Variants in EPHA3 observed in about 807,000 individuals in gnomAD.
The protein encoded by EPHA3 is EPH receptor A3.
A neutral mutation model predicts 107.1 loss-of-function variants in EPHA3; 42 were observed. That is an observed-to-expected ratio of 0.39 (90% CI 0.31 to 0.51). The LOEUF (loss-of-function observed/expected upper bound fraction) is 0.51. Among genes scored for constraint, EPHA3 ranks in the 20% least tolerant of loss-of-function variants. The pLI is 0.78. For synonymous variants in EPHA3, 461 were observed against 424.8 expected (o/e 1.09, Z -1.05); for missense variants, 1,183 against 1,211.2 (o/e 0.98, Z 0.35).
chr3:89,272,162 T>C (rs1186536620), intron 3 of EPHA3, among the ~76,000 whole-genome samples: 3 of 151,948 alleles, frequency 2.0e-5, no homozygotes, highest in Non-Finnish European at 4.4e-5. Context: ...GTAAAGTTTT[T>C]GAAAAGTCAA....
chr3:89,120,507 C>A (rs1013514258), intron 1 of EPHA3, among the ~76,000 whole-genome samples: 2 of 152,070 alleles, frequency 1.3e-5, no homozygotes, highest in African/African-American at 4.8e-5. Flanking sequence ...TATCTTGATA[C>A]CTGTTTGTTC....
intron 1 of EPHA3, among the ~76,000 whole-genome samples, chr3:89,125,030 A>G (rs1200574529): frequency 6.6e-6 from 1 of 151,856 alleles, no homozygotes; most frequent in Non-Finnish European, 1.5e-5. Flanking sequence ...ATTAGTTGAC[A>G]ACCTACATTC....
At chr3:89,252,272 G>A (rs1576265986) in intron 3 of EPHA3, among the ~76,000 whole-genome samples, 2 of 152,024 alleles carry the variant, frequency 1.3e-5, no homozygotes, top group South Asian at 4.1e-4. Flanking sequence ...GACTGGTTTG[G>A]ACCATATTTA....
chr3:89,112,532 G>T (rs1181817408), intron 1 of EPHA3, among the ~76,000 whole-genome samples: 2 of 150,904 alleles, frequency 1.3e-5, no homozygotes, highest in East Asian at 3.9e-4. Context: ...ATTTTTTTCG[G>T]AAATAAAATA....
At chr3:89,236,342 G>T (rs560609330) in intron 3 of EPHA3, among the ~76,000 whole-genome samples, 3 of 151,594 alleles carry the variant, frequency 2.0e-5, no homozygotes, top group African/African-American at 7.3e-5. Context: ...GAGAGTAAAT[G>T]AATAAAAGGT....
intron 3 of EPHA3, among the ~76,000 whole-genome samples, chr3:89,286,851 C>A (rs1414387114): frequency 6.6e-6 from 1 of 152,050 alleles, no homozygotes; most frequent in African/African-American, 2.4e-5. Context: ...CAAGTAAAAG[C>A]ACTTTTCCCC....
At chr3:89,127,335 G>A (rs1704116088) in intron 2 of EPHA3, 62 bp downstream of exon 2, 1 of 1,283,648 alleles carries the variant, frequency 7.8e-7, no homozygotes, top group Non-Finnish European at 1.1e-6. Context: ...GGGAGCAGAT[G>A]AATTTATTGT....
At chr3:89,147,535 T>G (rs1219956769) in intron 2 of EPHA3, among the ~76,000 whole-genome samples, 3 of 151,934 alleles carry the variant, frequency 2.0e-5, no homozygotes, top group African/African-American at 7.2e-5. Flanking sequence ...CAGTGTGTGA[T>G]AAGTGCTCAG....
chr3:89,466,719 C>T (rs1417428095), intron 15 of EPHA3, among the ~76,000 whole-genome samples: 3 of 134,940 alleles, frequency 2.2e-5, no homozygotes, highest in East Asian at 2.0e-4. Flanking sequence ...CACTGGCCTG[C>T]GCCCACTGTC....
chr3:89,401,689 C>G (rs1708967043), intron 7 of EPHA3, among the ~76,000 whole-genome samples: 1 of 152,094 alleles, frequency 6.6e-6, no homozygotes, highest in Admixed American at 6.5e-5. Context: ...CTCACTGCAA[C>G]CTCTGCCTCC....
chr3:89,297,717 G>C (rs759788072), intron 3 of EPHA3, among the ~76,000 whole-genome samples: 2 of 152,098 alleles, frequency 1.3e-5, no homozygotes, highest in Non-Finnish European at 2.9e-5. Flanking sequence ...CTCAGTATCT[G>C]TACAATAAGC....
chr3:89,120,836 GA>G (rs1211780983), intron 1 of EPHA3, among the ~76,000 whole-genome samples: 2 of 152,154 alleles, frequency 1.3e-5, no homozygotes, highest in African/African-American at 4.8e-5. Context: ...AAGCTAATGA[GA>G]AAGAATAAGT....
intron 13 of EPHA3, among the ~76,000 whole-genome samples, chr3:89,444,781 T>A (rs1709849680): frequency 6.6e-6 from 1 of 152,144 alleles, no homozygotes; most frequent in South Asian, 2.1e-4. Flanking sequence ...TCTTCCTGTT[T>A]CCCTCAATGA....
rs1442020045 is a variant in EPHA3, at chr3:89,477,704, T to C, written c.2847-1693T>C. Among the ~76,000 whole-genome samples, 3 of 152,264 alleles carry C rather than the reference T, an allele frequency of 2.0e-5. No homozygotes were observed. In the East Asian group the frequency reaches 5.8e-4, roughly 29 times the overall value. ...TTTCCTGGCTCTCCTTGACAAATGATACTTTACGCCCTGGTCATCTTTACC... is the reference window on the plus strand; with the variant it reads ...TTTCCTGGCTCTCCTTGACAAATGACACTTTACGCCCTGGTCATCTTTACC... On this transcript the variant is annotated intron_variant, in intron 16 of 16. Coordinates refer to ENST00000336596, the MANE Select transcript of EPHA3 (RefSeq NM_005233.6).
chr3:89,168,050 T>C (rs1349279917), intron 2 of EPHA3, among the ~76,000 whole-genome samples: 4 of 152,274 alleles, frequency 2.6e-5, no homozygotes, highest in African/African-American at 9.6e-5. Flanking sequence ...AAGTTGACAC[T>C]GGATAAAAAG....
chr3:89,333,971 C>G (rs1321172540), intron 3 of EPHA3, among the ~76,000 whole-genome samples: 1 of 151,604 alleles, frequency 6.6e-6, no homozygotes, highest in East Asian at 1.9e-4. Flanking sequence ...GCTTATTTTT[C>G]TTGTCATTAA....
At chr3:89,148,603 C>G (rs1704621167) in intron 2 of EPHA3, among the ~76,000 whole-genome samples, 1 of 151,872 alleles carries the variant, frequency 6.6e-6, no homozygotes, top group South Asian at 2.1e-4. Context: ...TGCTTTTAAA[C>G]TTTGTGATGA....
At chr3:89,400,956 G>T (rs1243172303) in intron 7 of EPHA3, among the ~76,000 whole-genome samples, 1 of 152,150 alleles carries the variant, frequency 6.6e-6, no homozygotes, top group Non-Finnish European at 1.5e-5. Flanking sequence ...TCTGCTGAAT[G>T]GAATATAATA....
chr3:89,401,730 C>G (rs532580357), intron 7 of EPHA3, among the ~76,000 whole-genome samples: 1 of 152,240 alleles, frequency 6.6e-6, no homozygotes, highest in South Asian at 2.1e-4. Context: ...GTTTCAGCCT[C>G]CCGAGTGGCT....
Sources: allele counts gnomAD v4.1 joint callset (sites outside exome capture counted in the v4.1 genomes callset), GRCh38; gene constraint gnomAD v4.1.1; transcripts MANE v1.5; gene names NCBI Gene and HGNC (gene_info 2026-07-23, HGNC 2026-07-21).